TBC1D19: variants seen among roughly 807,000 people sequenced by gnomAD.
The protein encoded by TBC1D19 is TBC1 domain family, member 19.
TBC1D19 carries 60 observed loss-of-function variants against 89.0 expected under a neutral mutation model. The ratio of observed to expected loss-of-function variants is 0.67; its 90% CI spans 0.55 to 0.84. The LOEUF (loss-of-function observed/expected upper bound fraction) is 0.84, where lower values mean the gene tolerates loss of function less well. TBC1D19 is among the 40% of genes least tolerant of loss of function. The pLI, the probability that TBC1D19 is intolerant of heterozygous loss-of-function variation, is 0.00. For missense variants in TBC1D19, 500 were observed against 610.8 expected, an observed-to-expected ratio of 0.82 and a Z score of 1.91; for synonymous variants, 189 against 199.7, an observed-to-expected ratio of 0.95 and a Z score of 0.45.
At chr4:26,728,887 C>G (rs1423913755) in intron 15 of TBC1D19, among the ~76,000 whole-genome samples, 3 of 152,128 alleles carry the variant, frequency 2.0e-5, no homozygotes, top group Non-Finnish European at 4.4e-5. Context: ...TGATGGCGGG[C>G]GCCTGTAGTC....
In TBC1D19 at chr4:26,753,826, C is replaced by T. The variant is rs1210765523; in HGVS notation, c.1442C>T (p.Ala481Val). 6.2e-7 allele frequency: 1 copy of T among 1,613,802 alleles called. No homozygotes were observed. Among genetic ancestry groups the T allele is most frequent in the Non-Finnish European group, 8.5e-7 (1 of 1,179,874 alleles). Residue 481 changes from alanine to valine, a missense_variant, in exon 20 of 21, where the codon GCA becomes GTA. This residue lies in a region of TBC1D19 where 220 missense variants were observed against 319.1 expected (regional missense o/e 0.69). Transcript: ENST00000264866. ...AGTGTGCATTCTTTTCCAGTGCTGGCAGCTGCCGTGTTTGCTTTCCGAGCA... is the reference window on the plus strand; with the variant it reads ...AGTGTGCATTCTTTTCCAGTGCTGGTAGCTGCCGTGTTTGCTTTCCGAGCA... ...YNSLEILAVLAAAVFAFRAVN... is the reference protein window; with the variant it reads ...YNSLEILAVLVAAVFAFRAVN...
intron 4 of TBC1D19, among the ~76,000 whole-genome samples, chr4:26,632,569 T>C (rs1308214151): frequency 6.6e-6 from 1 of 152,040 alleles, no homozygotes; most frequent in African/African-American, 2.4e-5. Flanking sequence ...CTTGCTGTCT[T>C]GCCTGGCAGA....
chr4:26,744,652 A>G (rs1718547323), intron 18 of TBC1D19, among the ~76,000 whole-genome samples: 1 of 152,078 alleles, frequency 6.6e-6, no homozygotes. Context: ...ATGTAAAAGT[A>G]CGTTGTTTAA....
At chr4:26,673,442 T>TACACAC (rs1167477111) in intron 10 of TBC1D19, among the ~76,000 whole-genome samples, 44 of 14,694 alleles carry the variant, frequency 3.0e-3, no homozygotes, top group East Asian at 0.011. Flanking sequence ...TATATATATA[T>TACACAC]ATATACACAC....
At chr4:26,776,605 G>A in the TBC1D19 span, among the ~76,000 whole-genome samples, 1 of 152,136 alleles carries the variant, frequency 6.6e-6, no homozygotes, top group Admixed American at 6.5e-5. Context: ...CATTTTGGTT[G>A]TCTGAAGCTT....
intron 13 of TBC1D19, 52 bp from the exon 14 acceptor site, chr4:26,717,881 C>A: frequency 7.0e-7 from 1 of 1,428,584 alleles, no homozygotes; most frequent in South Asian, 1.2e-5. Flanking sequence ...AATGAATTAC[C>A]TGGTTTTATA....
rs1223042517 is a variant in TBC1D19, at chr4:26,597,523, C to CTT, written c.99+13250_99+13251dup. 8.2e-3 allele frequency among the ~76,000 whole-genome samples: 943 copies of CTT among 115,018 alleles called. 18 individuals carry two copies. The highest frequency in any genetic ancestry group is 0.029 in the African/African-American group (867 of 29,410). The allele number at this position is 115,018 out of a possible 152,430, so 75.5% of individuals were successfully genotyped here. A position where few individuals can be genotyped will look rare whatever the true frequency, so the allele number is the denominator to read the frequency against. ...AAAAATCCAGACTGACAGCTAGAGT[C>CTT]TTTTTTTTTTTTTTTTTTTTAAGTA... On this transcript the variant is annotated intron_variant, in intron 1 of 20. Coordinates refer to ENST00000264866, the MANE Select transcript of TBC1D19 (RefSeq NM_018317.4).
chr4:26,701,321 AACAC>A (rs10617994), intron 13 of TBC1D19, among the ~76,000 whole-genome samples: 69,023 of 151,594 alleles, frequency 0.46, 17,423 homozygotes, highest in Admixed American at 0.6. Context: ...CATCTGCACA[AACAC>A]ACACAAAGTG....
intron 11 of TBC1D19, among the ~76,000 whole-genome samples, chr4:26,680,170 G>A (rs181010965): frequency 1.7e-3 from 258 of 152,250 alleles, no homozygotes; most frequent in African/African-American, 6.0e-3. Context: ...CCATGTGGAA[G>A]TGTGAACCAA....
At chr4:26,706,025 G>T (rs1281239413) in intron 13 of TBC1D19, among the ~76,000 whole-genome samples, 1 of 152,034 alleles carries the variant, frequency 6.6e-6, no homozygotes, top group Admixed American at 6.6e-5. Flanking sequence ...CAATTCTCTT[G>T]CCTCAACTCT....
the TBC1D19 span, among the ~76,000 whole-genome samples, chr4:26,853,993 C>T: frequency 6.6e-6 from 1 of 152,162 alleles, no homozygotes; most frequent in Non-Finnish European, 1.5e-5. Context: ...TTTACTTATT[C>T]TTCTTCCTCA....
Position 26,590,529 on chromosome 4 carries a change from T to A in TBC1D19, c.99+6237T>A, listed in dbSNP as rs562249887. ...ATAAGAGTGTTATGAGATTTGTTATTTTTTAAATGTTTGGAAGAATTCTTC... is the reference window on the plus strand; with the variant it reads ...ATAAGAGTGTTATGAGATTTGTTATATTTTAAATGTTTGGAAGAATTCTTC... On this transcript the variant is annotated intron_variant, in intron 1 of 20. Transcript: ENST00000264866. 1.6e-4 allele frequency among the ~76,000 whole-genome samples: 24 copies of A among 152,318 alleles called. No homozygotes were observed. The South Asian group carries it at 4.8e-3, about 30-fold the overall frequency.
chr4:26,673,446 TACAC>T (rs61054571), intron 10 of TBC1D19, among the ~76,000 whole-genome samples: 1 of 90,884 alleles, frequency 1.1e-5, no homozygotes, highest in African/African-American at 4.3e-5. Flanking sequence ...TATATATATA[TACAC>T]ACACACACAC....
the TBC1D19 span, among the ~76,000 whole-genome samples, chr4:26,820,214 G>A: frequency 0.4 from 60,516 of 151,970 alleles, 12,263 homozygotes; most frequent in South Asian, 0.47. Flanking sequence ...TGAAATATGT[G>A]ATACATTGTT....
chr4:26,652,371 A>T (rs992931638), intron 7 of TBC1D19, among the ~76,000 whole-genome samples: 10 of 152,028 alleles, frequency 6.6e-5, no homozygotes, highest in Non-Finnish European at 1.0e-4. Flanking sequence ...GTAAGCTATT[A>T]ATTATTGCCT....
chr4:26,615,304 C>T (rs1741613078), intron 3 of TBC1D19, among the ~76,000 whole-genome samples: 1 of 152,072 alleles, frequency 6.6e-6, no homozygotes, highest in Non-Finnish European at 1.5e-5. Flanking sequence ...GTAGTTTCTC[C>T]AACATTCTGT....
At chr4:26,758,592 T>G (rs1469380861), downstream of TBC1D19, among the ~76,000 whole-genome samples, 1 of 152,156 alleles carries the variant, frequency 6.6e-6, no homozygotes, top group Non-Finnish European at 1.5e-5. Context: ...GAAGCTTTGG[T>G]TTAATCTTTC....
chr4:26,687,377 A>G (rs955155656), intron 12 of TBC1D19, among the ~76,000 whole-genome samples: 3 of 152,188 alleles, frequency 2.0e-5, no homozygotes, highest in African/African-American at 7.2e-5. Flanking sequence ...AGCTAAAAGT[A>G]GTGGAACTGG....
At chr4:26,669,951 T>A (rs1284469854) in intron 9 of TBC1D19, among the ~76,000 whole-genome samples, 1 of 151,726 alleles carries the variant, frequency 6.6e-6, no homozygotes, top group South Asian at 2.1e-4. Flanking sequence ...AGTTTTGTGA[T>A]GTGCTTATCA....
Sources: allele counts gnomAD v4.1 joint callset (sites outside exome capture counted in the v4.1 genomes callset), GRCh38; gene constraint gnomAD v4.1.1; regional missense constraint gnomAD v4.1.1; transcripts MANE v1.5; gene names NCBI Gene and HGNC (gene_info 2026-07-23, HGNC 2026-07-21).